Variants in CAPN13 observed in about 807,000 individuals in gnomAD.
CAPN13 encodes calpain 13.
A neutral mutation model predicts 98.4 loss-of-function variants in CAPN13; 90 were observed. The ratio of observed to expected loss-of-function variants is 0.92; its 90% CI spans 0.77 to 1.09. The LOEUF is 1.09. Among genes scored for constraint, CAPN13 ranks in the 50% least tolerant of loss-of-function variants. The probability of loss-of-function intolerance (pLI) is 0.00; values close to 1 mark genes in which losing one functional copy is unlikely to be tolerated. For missense variants in CAPN13, 887 were observed against 841.3 expected (o/e 1.05, Z -0.67); for synonymous variants, 330 against 305.5 (o/e 1.08, Z -0.84).
chr2:30,779,627 A>C (rs1275998649), intron 2 of CAPN13, among the ~76,000 whole-genome samples: 1 of 152,214 alleles, frequency 6.6e-6, no homozygotes, highest in Non-Finnish European at 1.5e-5. Flanking sequence ...GGCTATACTC[A>C]GACAAACCCA....
At chr2:30,734,411 G>T in intron 19 of CAPN13, 38 bp downstream of exon 19, 1 of 1,553,724 alleles carries the variant, frequency 6.4e-7, no homozygotes, top group Non-Finnish European at 8.9e-7. Flanking sequence ...CCCCCTCCCC[G>T]GACCTTGGGC....
In CAPN13 at chr2:30,746,523, T is replaced by A. The variant is rs867970179; in HGVS notation, c.1237-789A>T. ...ATGGTGAGAACCACCAATAGCGTGGTAGAACTTACGGCCCTTTCCAAGGCC... is the reference window on the plus strand; with the variant it reads ...ATGGTGAGAACCACCAATAGCGTGGAAGAACTTACGGCCCTTTCCAAGGCC... On this transcript the variant is annotated intron_variant, in intron 11 of 22. Transcript: ENST00000295055. 22 of 160,598 alleles carry A rather than the reference T, an allele frequency of 1.4e-4. No homozygotes were observed. The Middle Eastern group carries it at 0.015, about 110-fold the overall frequency. The allele number at this position is 160,598 out of a possible 1,614,324, so 9.9% of individuals were successfully genotyped here. A position where few individuals can be genotyped will look rare whatever the true frequency, so the allele number is the denominator to read the frequency against.
At chr2:30,726,701 T>C (rs935783739) in intron 22 of CAPN13, among the ~76,000 whole-genome samples, 1 of 152,060 alleles carries the variant, frequency 6.6e-6, no homozygotes, top group Non-Finnish European at 1.5e-5. Context: ...CTGTAAATCA[T>C]TGTTCAAAAA....
At chr2:30,764,894 C>A (rs1054803435) in intron 5 of CAPN13, among the ~76,000 whole-genome samples, 7 of 152,154 alleles carry the variant, frequency 4.6e-5, no homozygotes, top group African/African-American at 1.7e-4. Flanking sequence ...TCTGCAAACC[C>A]TGATCCAGAA....
chr2:30,735,771 A>G (rs1004958124), intron 18 of CAPN13, among the ~76,000 whole-genome samples: 4 of 152,236 alleles, frequency 2.6e-5, no homozygotes, highest in African/African-American at 9.6e-5. Context: ...ACATGGCTAG[A>G]CATTTGATGT....
At chr2:30,741,320 C>T in intron 15 of CAPN13, 1 of 931,676 alleles carries the variant, frequency 1.1e-6, no homozygotes, top group South Asian at 4.9e-5. Flanking sequence ...TTCAAGGCGG[C>T]AGGGTAGAGA....
intron 1 of CAPN13, among the ~76,000 whole-genome samples, chr2:30,795,577 A>G (rs1674816916): frequency 1.3e-5 from 2 of 151,990 alleles, no homozygotes; most frequent in Non-Finnish European, 2.9e-5. Flanking sequence ...GAATATTCAT[A>G]TTTTGTGCCC....
chr2:30,805,070 T>G (rs905332159), intron 1 of CAPN13, among the ~76,000 whole-genome samples: 1 of 152,172 alleles, frequency 6.6e-6, no homozygotes, highest in East Asian at 1.9e-4. Flanking sequence ...TGGACTCAGA[T>G]GAGGTGCCAA....
At chr2:30,805,148 G>A (rs1489998182) in intron 1 of CAPN13, among the ~76,000 whole-genome samples, 2 of 152,200 alleles carry the variant, frequency 1.3e-5, no homozygotes, top group African/African-American at 4.8e-5. Context: ...AGCTGGAAGT[G>A]CAGGACAGTT....
intron 6 of CAPN13, among the ~76,000 whole-genome samples, chr2:30,763,868 C>A (rs1021737809): frequency 6.6e-6 from 1 of 152,242 alleles, no homozygotes; most frequent in Non-Finnish European, 1.5e-5. Flanking sequence ...GAAGACTTGT[C>A]GAGCCACTTA....
chr2:30,754,277 G>C lies in CAPN13; in HGVS notation c.941+13C>G, dbSNP rs748745568. 3 of 1,593,238 alleles carry C rather than the reference G, an allele frequency of 1.9e-6. No individual in the cohort carries two copies. Among genetic ancestry groups the C allele is most frequent in the Non-Finnish European group, 2.6e-6 (3 of 1,170,050 alleles). ...AAAGATTTAAAACACCATTGTATAA[G>C]AAGGGTAAATACCAAAACTCGCCAT... On this transcript the variant is annotated intron_variant, in intron 9 of 22. Transcript: ENST00000295055.
chr2:30,753,254 G>A, intron 9 of CAPN13, 56 bp from the exon 10 acceptor site: 1 of 1,588,144 alleles, frequency 6.3e-7, no homozygotes, highest in Non-Finnish European at 8.6e-7. Context: ...CCCAGGGTGG[G>A]GGTTCCTATG....
intron 22 of CAPN13, among the ~76,000 whole-genome samples, chr2:30,729,102 G>A (rs1670967137): frequency 6.6e-6 from 1 of 152,100 alleles, no homozygotes; most frequent in African/African-American, 2.4e-5. Flanking sequence ...GAAGGTGAAG[G>A]ATAATGAGGA....
rs369832190 is a variant in CAPN13, at chr2:30,738,224, G to A, written c.1653+11C>T. 5.0e-5 allele frequency: 80 copies of A among 1,613,660 alleles called. No homozygotes were observed. Among genetic ancestry groups the A allele is most frequent in the South Asian group, 6.6e-5 (6 of 91,020 alleles). The stretch of plus-strand genomic sequence containing the variant: ...TGCTCAGAGCATGGGAGGGATGACC[G>A]CAAAGGATACTTCCATCAGAGCCAC... On this transcript the variant is annotated intron_variant, in intron 17 of 22. Transcript: ENST00000295055.
intron 18 of CAPN13, among the ~76,000 whole-genome samples, chr2:30,735,831 C>G (rs1231816535): frequency 6.6e-6 from 1 of 152,040 alleles, no homozygotes; most frequent in Non-Finnish European, 1.5e-5. Flanking sequence ...TTCTATTTGG[C>G]ATGTGTGGGT....
intron 2 of CAPN13, among the ~76,000 whole-genome samples, chr2:30,784,975 C>T (rs150710321): frequency 6.6e-6 from 1 of 152,292 alleles, no homozygotes; most frequent in African/African-American, 2.4e-5. Context: ...CACAGCTGTA[C>T]ACTGTGGGTC....
At chr2:30,749,967 C>G (rs1364665722) in intron 11 of CAPN13, among the ~76,000 whole-genome samples, 1 of 152,000 alleles carries the variant, frequency 6.6e-6, no homozygotes, top group Non-Finnish European at 1.5e-5. Context: ...GGTATATACC[C>G]AAAGGAATAT....
At chr2:30,760,219 A>G (rs1371702795) in intron 7 of CAPN13, among the ~76,000 whole-genome samples, 1 of 152,138 alleles carries the variant, frequency 6.6e-6, no homozygotes, top group Non-Finnish European at 1.5e-5. Flanking sequence ...AGTAGCTGGG[A>G]CCACAGGCAG....
intron 4 of CAPN13, among the ~76,000 whole-genome samples, chr2:30,771,719 C>T (rs1280987225): frequency 1.3e-5 from 2 of 152,214 alleles, no homozygotes; most frequent in Non-Finnish European, 2.9e-5. Context: ...ATATAGTAGA[C>T]AGCAGTCAGC....
Sources: allele counts gnomAD v4.1 joint callset (sites outside exome capture counted in the v4.1 genomes callset), GRCh38; gene constraint gnomAD v4.1.1; transcripts MANE v1.5; gene names NCBI Gene and HGNC (gene_info 2026-07-23, HGNC 2026-07-21).